CABCOCO1: variants seen among roughly 807,000 people sequenced by gnomAD.
CABCOCO1 encodes ciliary-associated calcium-binding coiled-coil protein 1.
CABCOCO1 carries 28 observed loss-of-function variants against 35.7 expected under a neutral mutation model. That is an observed-to-expected ratio of 0.78 (90% CI 0.58 to 1.07). CABCOCO1 has a LOEUF of 1.07. Ranked by LOEUF, CABCOCO1 falls within the 50% of genes least tolerant of loss-of-function variation. The pLI, the probability that CABCOCO1 is intolerant of heterozygous loss-of-function variation, is 0.00. For missense variants in CABCOCO1, 326 were observed against 309.2 expected, an observed-to-expected ratio of 1.05 and a Z score of -0.41; for synonymous variants, 95 against 100.1, an observed-to-expected ratio of 0.95 and a Z score of 0.30.
chr10:61,721,408 C>A (rs187475849), intron 5 of CABCOCO1, among the ~76,000 whole-genome samples: 70 of 152,228 alleles, frequency 4.6e-4, no homozygotes, highest in Admixed American at 1.8e-3. Context: ...GCACCACAAC[C>A]AACCCGTGGT....
intron 5 of CABCOCO1, among the ~76,000 whole-genome samples, chr10:61,705,333 T>C (rs941661574): frequency 3.3e-5 from 5 of 152,218 alleles, no homozygotes; most frequent in African/African-American, 1.2e-4. Context: ...ATCATTGTCT[T>C]CTAAATGCAT....
intron 5 of CABCOCO1, among the ~76,000 whole-genome samples, chr10:61,714,808 G>C (rs1213868362): frequency 9.2e-5 from 14 of 152,170 alleles, no homozygotes; most frequent in Non-Finnish European, 5.9e-5. Flanking sequence ...CAGTTTCCAT[G>C]TAGTTGTGCA....
At chr10:61,717,754 A>G (rs1285422450) in intron 5 of CABCOCO1, among the ~76,000 whole-genome samples, 1 of 152,202 alleles carries the variant, frequency 6.6e-6, no homozygotes, top group Non-Finnish European at 1.5e-5. Context: ...GGAATATAAC[A>G]GCAAAATAAA....
intron 5 of CABCOCO1, among the ~76,000 whole-genome samples, chr10:61,707,378 C>T (rs961983236): frequency 2.0e-5 from 3 of 152,080 alleles, no homozygotes; most frequent in African/African-American, 7.2e-5. Flanking sequence ...TGTGGCAGAA[C>T]CTCCCTGGCA....
Position 61,670,829 on chromosome 10 carries a change from C to T in CABCOCO1, c.61-1803C>T, listed in dbSNP as rs1839333748. 2.0e-5 allele frequency among the ~76,000 whole-genome samples: 3 copies of T among 152,190 alleles called. No homozygotes were observed. The South Asian group carries it at 6.2e-4, about 32-fold the overall frequency. ...CTTCTCTTCATGCCCTGGCTTTGAGCAGTCTCACCCATTGTCACAGTTGCA... is the reference window on the plus strand; with the variant it reads ...CTTCTCTTCATGCCCTGGCTTTGAGTAGTCTCACCCATTGTCACAGTTGCA... On this transcript the variant is annotated intron_variant, in intron 1 of 7. Coordinates refer to ENST00000648843, the MANE Select transcript of CABCOCO1 (RefSeq NM_001366906.2).
At chr10:61,716,771 CCT>C (rs966583104) in intron 5 of CABCOCO1, among the ~76,000 whole-genome samples, 1 of 151,916 alleles carries the variant, frequency 6.6e-6, no homozygotes, top group Admixed American at 6.6e-5. Flanking sequence ...CTGAATAATA[CCT>C]CTCTCAAACT....
intron 3 of CABCOCO1, among the ~76,000 whole-genome samples, chr10:61,683,476 G>A (rs181783606): frequency 6.6e-6 from 1 of 151,834 alleles, no homozygotes; most frequent in African/African-American, 2.4e-5. Context: ...TGGGAGAATC[G>A]CTTGAGCCCA....
At chr10:61,686,416 A>C (rs1050596062) in intron 4 of CABCOCO1, among the ~76,000 whole-genome samples, 42 of 151,022 alleles carry the variant, frequency 2.8e-4, no homozygotes, top group African/African-American at 9.0e-4. Flanking sequence ...TTGCATTCCC[A>C]AAAAAAAAGG....
At chr10:61,742,199 G>C (rs979103290) in intron 5 of CABCOCO1, among the ~76,000 whole-genome samples, 1 of 152,126 alleles carries the variant, frequency 6.6e-6, no homozygotes, top group African/African-American at 2.4e-5. Flanking sequence ...TGCAAGACTC[G>C]GGGGGAGACA....
At chr10:61,748,271 A>T (rs2132076625) in intron 5 of CABCOCO1, among the ~76,000 whole-genome samples, 1 of 152,312 alleles carries the variant, frequency 6.6e-6, no homozygotes, top group South Asian at 2.1e-4. Context: ...TATTTCCTAC[A>T]TTTAATTCTT....
intron 3 of CABCOCO1, 48 bp downstream of exon 3, chr10:61,681,360 A>T (rs1353623753): frequency 7.3e-7 from 1 of 1,368,468 alleles, no homozygotes; most frequent in African/African-American, 1.5e-5. Context: ...AATTTACCAT[A>T]TAAATTGAGG....
chr10:61,728,198 T>C (rs1000787685), intron 5 of CABCOCO1, among the ~76,000 whole-genome samples: 2 of 152,252 alleles, frequency 1.3e-5, no homozygotes, highest in Admixed American at 1.3e-4. Context: ...TTTAGATCTG[T>C]AAGTCTTCTT....
intron 5 of CABCOCO1, among the ~76,000 whole-genome samples, chr10:61,714,036 G>A (rs1157517826): frequency 6.6e-6 from 1 of 151,736 alleles, no homozygotes; most frequent in Non-Finnish European, 1.5e-5. Context: ...AAATGAGTTA[G>A]GGAGGATTCC....
chr10:61,683,621 A>G (rs1362942911), intron 3 of CABCOCO1, among the ~76,000 whole-genome samples: 1 of 152,200 alleles, frequency 6.6e-6, no homozygotes, highest in Non-Finnish European at 1.5e-5. Context: ...AAGGTCAGTT[A>G]TGAGGTATCA....
chr10:61,702,927 A>G (rs1179353006), intron 5 of CABCOCO1, among the ~76,000 whole-genome samples: 1 of 151,772 alleles, frequency 6.6e-6, no homozygotes, highest in Non-Finnish European at 1.5e-5. Context: ...AAAAAAAAAC[A>G]GGAAAAAAAA....
At chr10:61,763,401 G>C (rs1842047442) in intron 7 of CABCOCO1, among the ~76,000 whole-genome samples, 2 of 152,022 alleles carry the variant, frequency 1.3e-5, no homozygotes, top group African/African-American at 4.8e-5. Flanking sequence ...TTGGCCCTGA[G>C]ATGTTAATTA....
intron 5 of CABCOCO1, among the ~76,000 whole-genome samples, chr10:61,733,359 T>C (rs78420638): frequency 0.039 from 5,994 of 152,106 alleles, 296 homozygotes; most frequent in African/African-American, 0.11. Context: ...ATTACCTACC[T>C]AATTTAGCAA....
intron 5 of CABCOCO1, among the ~76,000 whole-genome samples, chr10:61,698,965 G>T (rs1457381095): frequency 2.0e-5 from 3 of 152,028 alleles, no homozygotes; most frequent in African/African-American, 7.2e-5. Flanking sequence ...TTACCCTTGA[G>T]ATGTACCTAT....
At chr10:61,680,740 A>G (rs1399165525) in intron 2 of CABCOCO1, among the ~76,000 whole-genome samples, 1 of 135,952 alleles carries the variant, frequency 7.4e-6, no homozygotes, top group African/African-American at 2.7e-5. Context: ...TATATAATAT[A>G]TATATCTCAG....
Sources: gnomAD v4.1 joint callset for allele counts (sites outside exome capture counted in the v4.1 genomes callset) on GRCh38, gnomAD v4.1.1 for gene constraint, MANE v1.5 for transcripts, NCBI Gene and HGNC (gene_info 2026-07-23, HGNC 2026-07-21) for gene names.